KCNJ12: variants seen among roughly 807,000 people sequenced by gnomAD.
The protein encoded by KCNJ12 is potassium inwardly rectifying channel subfamily J member 12.
KCNJ12 carries 2 observed loss-of-function variants against 22.3 expected under a neutral mutation model. That is an observed-to-expected ratio of 0.09 (90% CI 0.04 to 0.28). The LOEUF is 0.28. Ranked by LOEUF, KCNJ12 falls within the 10% of genes least tolerant of loss-of-function variation. The probability of loss-of-function intolerance (pLI) is 1.00; values close to 1 mark genes in which losing one functional copy is unlikely to be tolerated. For synonymous variants in KCNJ12, 117 were observed against 261.4 expected, an observed-to-expected ratio of 0.45 and a Z score of 5.33; for missense variants, 155 against 633.3, an observed-to-expected ratio of 0.24 and a Z score of 8.11.
chr17:21,390,983 C>T (rs1308198532), intron 1 of KCNJ12, among the ~76,000 whole-genome samples: 4 of 152,216 alleles, frequency 2.6e-5, no homozygotes, highest in Non-Finnish European at 4.4e-5. Flanking sequence ...CTGCACCATC[C>T]CCTGGCAGCC....
chr17:21,410,034 C>T (rs1906228469), intron 2 of KCNJ12, among the ~76,000 whole-genome samples: 1 of 152,292 alleles, frequency 6.6e-6, no homozygotes, highest in South Asian at 2.1e-4. Flanking sequence ...CACTCTCCCT[C>T]TCCCCTCCAC....
intron 1 of KCNJ12, among the ~76,000 whole-genome samples, chr17:21,385,210 A>G (rs561378109): frequency 7.2e-5 from 11 of 152,222 alleles, no homozygotes; most frequent in Non-Finnish European, 1.5e-4. Context: ...ATTAGAAAGG[A>G]TCTGCTACAC....
At chr17:21,403,960 C>T (rs2885966) in intron 1 of KCNJ12, among the ~76,000 whole-genome samples, 9 of 152,226 alleles carry the variant, frequency 5.9e-5, no homozygotes, top group African/African-American at 1.4e-4. Flanking sequence ...TTGGGCTCCC[C>T]ATTGCCTTTG....
At chr17:21,394,040 C>G (rs552314470) in intron 1 of KCNJ12, among the ~76,000 whole-genome samples, 9 of 152,192 alleles carry the variant, frequency 5.9e-5, no homozygotes, top group Non-Finnish European at 1.2e-4. Context: ...TGTGGTCTAC[C>G]TGAAGTCTCC....
chr17:21,418,168 G>A lies in KCNJ12; in HGVS notation c.*1524G>A. ...TTGTTCATGGCAGCTGGTTGGGTCAGGTCCATGGTAGAGCCAGGCCCTTCC... is the reference window on the plus strand; with the variant it reads ...TTGTTCATGGCAGCTGGTTGGGTCAAGTCCATGGTAGAGCCAGGCCCTTCC... On this transcript the variant is annotated 3_prime_UTR_variant, in exon 3 of 3. Transcript: ENST00000583088. 6.0e-6 allele frequency: 1 copy of A among 167,098 alleles called. No homozygotes were observed. The allele number at this position is 167,098 out of a possible 1,614,324, so 10.4% of individuals were successfully genotyped here. A position where few individuals can be genotyped will look rare whatever the true frequency, so the allele number is the denominator to read the frequency against.
At chr17:21,404,003 G>A (rs1411535526) in intron 1 of KCNJ12, among the ~76,000 whole-genome samples, 5 of 152,156 alleles carry the variant, frequency 3.3e-5, no homozygotes, top group Non-Finnish European at 7.3e-5. Context: ...TATGACATCC[G>A]AGGCCTCCTG....
At chr17:21,378,052 C>A (rs1242635093) in intron 1 of KCNJ12, among the ~76,000 whole-genome samples, 2 of 152,260 alleles carry the variant, frequency 1.3e-5, no homozygotes, top group African/African-American at 4.8e-5. Context: ...AGCGCCGAGG[C>A]GCCCACACGC....
chr17:21,379,648 C>T lies in KCNJ12; in HGVS notation c.-179+2735C>T, dbSNP rs563810785. On this transcript the variant is annotated intron_variant, in intron 1 of 2. Transcript: ENST00000583088. The stretch of plus-strand genomic sequence containing the variant: ...ACATGGAAGGTGCGGTGGGTGGGGG[C>T]TCAGCCCCACGGGATGGCTGTGCCG... Among the ~76,000 whole-genome samples the T allele has an allele frequency of 4.8e-3, 735 of 152,286 alleles. 8 individuals are homozygous for T. Among genetic ancestry groups the T allele is most frequent in the Non-Finnish European group, 5.4e-3 (367 of 68,006 alleles).
intron 2 of KCNJ12, among the ~76,000 whole-genome samples, chr17:21,411,968 C>T (rs1906376142): frequency 6.6e-6 from 1 of 152,302 alleles, no homozygotes; most frequent in Admixed American, 6.5e-5. Flanking sequence ...GCTGTATTCA[C>T]CAAGTGCCCA....
chr17:21,382,404 C>T (rs1267825855), intron 1 of KCNJ12, among the ~76,000 whole-genome samples: 3 of 152,184 alleles, frequency 2.0e-5, no homozygotes, highest in Non-Finnish European at 4.4e-5. Flanking sequence ...AGGGAGGGGA[C>T]AGTGTCTCTG....
rs797040206 is a variant in KCNJ12 at position 21,416,823 on chromosome 17, C to T, written c.*179C>T. The T allele has an allele frequency of 1.1e-3, 1,258 of 1,141,954 alleles. No individual in the cohort carries two copies. The African/African-American group carries it at 0.018, about 16-fold the overall frequency. The allele number at this position is 1,141,954 out of a possible 1,614,324, so 70.7% of individuals were successfully genotyped here. ...GAAGTTTGGCCGGAGAGGGGGCAGC[C>T]AGAGCGGCAGCCCCCGGCCTCAGAG... On this transcript the variant is annotated 3_prime_UTR_variant, in exon 3 of 3. Coordinates refer to ENST00000583088, the MANE Select transcript of KCNJ12 (RefSeq NM_021012.5).
At chr17:21,387,360 T>G (rs1162172502) in intron 1 of KCNJ12, among the ~76,000 whole-genome samples, 1 of 134,588 alleles carries the variant, frequency 7.4e-6, no homozygotes, top group Non-Finnish European at 1.5e-5. Flanking sequence ...GAGAATGGCG[T>G]GAACCTGGGA....
chr17:21,405,530 C>T (rs1335021483), intron 1 of KCNJ12, among the ~76,000 whole-genome samples: 6 of 152,238 alleles, frequency 3.9e-5, no homozygotes, highest in African/African-American at 7.2e-5. Flanking sequence ...ACACCAGCCT[C>T]GTTTTTCAGA....
chr17:21,387,440 CAAAAAAAAAAA>C (rs782125409), intron 1 of KCNJ12, among the ~76,000 whole-genome samples: 1 of 36,540 alleles, frequency 2.7e-5, no homozygotes, highest in Admixed American at 2.8e-4. Context: ...GACTCTATCT[CAAAAAAAAAAA>C]AAAAAAAAAA....
chr17:21,410,626 C>T (rs1468175898), intron 2 of KCNJ12, among the ~76,000 whole-genome samples: 6 of 152,414 alleles, frequency 3.9e-5, no homozygotes, highest in South Asian at 2.1e-4. Context: ...TTTTGAGTGC[C>T]GATTTGCAGC....
chr17:21,412,757 G>A lies in KCNJ12; in HGVS notation c.-56-2530G>A, dbSNP rs1315981338. 4.6e-5 allele frequency among the ~76,000 whole-genome samples: 7 copies of A among 152,430 alleles called. No homozygotes were observed. In the South Asian group the frequency reaches 6.2e-4, roughly 14 times the overall value. On this transcript the variant is annotated intron_variant, in intron 2 of 2. Transcript: ENST00000583088. ...AGCCACAGCGGTGTTGGGGGAGGACGGCAGAGTAAGGAAAGGCATCCCTGC... is the reference window on the plus strand; with the variant it reads ...AGCCACAGCGGTGTTGGGGGAGGACAGCAGAGTAAGGAAAGGCATCCCTGC...
rs1906894418 is a variant in KCNJ12 at position 21,417,191 on chromosome 17, C to A, written c.*547C>A. On this transcript the variant is annotated 3_prime_UTR_variant, in exon 3 of 3. Coordinates refer to ENST00000583088, the MANE Select transcript of KCNJ12 (RefSeq NM_021012.5). ...CCAGGATGCAGCAGCTGGCTGAAGG[C>A]TCCAGAGGGTTCCCCGAGGTGGGAC... is the stretch of plus-strand genomic sequence containing the variant. 5.9e-6 allele frequency: 1 copy of A among 168,734 alleles called. No individual in the cohort carries two copies. The allele number at this position is 168,734 out of a possible 1,614,324, so 10.5% of individuals were successfully genotyped here.
intron 1 of KCNJ12, among the ~76,000 whole-genome samples, chr17:21,379,873 G>T (rs545268052): frequency 3.9e-4 from 60 of 152,246 alleles, no homozygotes; most frequent in Non-Finnish European, 3.1e-4. Context: ...GCTGGGCACT[G>T]GCCAAGGACC....
At chr17:21,392,291 G>A (rs180854945) in intron 1 of KCNJ12, among the ~76,000 whole-genome samples, 1 of 152,348 alleles carries the variant, frequency 6.6e-6, no homozygotes. Flanking sequence ...CATAGTAGGC[G>A]CTCAGTGTGT....
Sources: allele counts gnomAD v4.1 joint callset (sites outside exome capture counted in the v4.1 genomes callset), GRCh38; gene constraint gnomAD v4.1.1; transcripts MANE v1.5; gene names NCBI Gene and HGNC (gene_info 2026-07-23, HGNC 2026-07-21).